RELN: variants seen among roughly 807,000 people sequenced by gnomAD.
The protein encoded by RELN is reelin.
Under a neutral mutation model 427.6 loss-of-function variants are expected in RELN, and 108 were observed. That is an observed-to-expected ratio of 0.25 (90% CI 0.22 to 0.30). The LOEUF (loss-of-function observed/expected upper bound fraction) is 0.30, where lower values mean the gene tolerates loss of function less well. Ranked by LOEUF, RELN falls within the 10% of genes least tolerant of loss-of-function variation. The pLI, the probability that RELN is intolerant of heterozygous loss-of-function variation, is 1.00. For synonymous variants in RELN, 1,524 were observed against 1,513.4 expected, an observed-to-expected ratio of 1.01 and a Z score of -0.16; for missense variants, 3,715 against 4,302.8, an observed-to-expected ratio of 0.86 and a Z score of 3.82.
chr7:103,697,952 G>C lies in RELN; in HGVS notation c.1044C>G (p.Ile348Met), dbSNP rs1191515704. 6.2e-7 allele frequency: 1 copy of C among 1,613,654 alleles called. No individual in the cohort carries two copies. The highest frequency in any genetic ancestry group is 8.5e-7 in the Non-Finnish European group (1 of 1,179,840). ...VYEACWALDN[I>M]LIINSAHRQV... ...GTCTGTGAGCTGAATTGATGATCAA[G>C]ATGTTATCTAAGGCCCAGCAGGCTT... The change falls in exon 10 of 65, where the codon ATC (isoleucine) becomes ATG (methionine). Residue 348 changes from isoleucine to methionine, a missense_variant. Ile to Met is a conservative substitution (Grantham distance 10). Coordinates refer to ENST00000428762, the MANE Select transcript of RELN (RefSeq NM_005045.4).
intron 49 of RELN, among the ~76,000 whole-genome samples, chr7:103,516,327 C>A (rs374062799): frequency 4.7e-5 from 7 of 150,376 alleles, no homozygotes; most frequent in African/African-American, 1.7e-4. Flanking sequence ...ACTCTGTTGC[C>A]CACGCTGGAG....
chr7:103,984,844 C>A (rs1342659671), intron 1 of RELN, among the ~76,000 whole-genome samples: 1 of 152,068 alleles, frequency 6.6e-6, no homozygotes, highest in Non-Finnish European at 1.5e-5. Flanking sequence ...TTAGTAATGG[C>A]AAATTACTTT....
intron 6 of RELN, among the ~76,000 whole-genome samples, chr7:103,733,656 T>C (rs562181593): frequency 0.016 from 2,113 of 135,114 alleles, 89 homozygotes; most frequent in African/African-American, 0.057. Context: ...TGGATGAAAT[T>C]TGAAATCATC....
intron 4 of RELN, among the ~76,000 whole-genome samples, chr7:103,755,015 A>C (rs901077268): frequency 4.4e-4 from 67 of 152,310 alleles, no homozygotes; most frequent in Non-Finnish European, 1.3e-4. Flanking sequence ...TCTATAGATG[A>C]ACTCAGGGAT....
intron 2 of RELN, among the ~76,000 whole-genome samples, chr7:103,847,149 G>A (rs777970059): frequency 3.9e-5 from 6 of 152,182 alleles, no homozygotes. Context: ...GTTCACAATA[G>A]CAAAGCCTCG....
At chr7:103,642,608 G>C (rs1832717108) in intron 16 of RELN, among the ~76,000 whole-genome samples, 1 of 152,040 alleles carries the variant, frequency 6.6e-6, no homozygotes, top group African/African-American at 2.4e-5. Flanking sequence ...GAACTCAGAG[G>C]ATGTGTAGTG....
intron 2 of RELN, among the ~76,000 whole-genome samples, chr7:103,912,608 A>C (rs903076333): frequency 2.0e-5 from 3 of 152,166 alleles, no homozygotes; most frequent in African/African-American, 7.2e-5. Context: ...CTGATGTATT[A>C]GCTGAGCAAG....
intron 9 of RELN, among the ~76,000 whole-genome samples, chr7:103,698,962 T>C (rs1834034974): frequency 6.6e-6 from 1 of 152,200 alleles, no homozygotes; most frequent in Admixed American, 6.5e-5. Context: ...AATGTGAGAT[T>C]TGCCATAATT....
At chr7:103,587,856 T>C (rs570961431) in intron 28 of RELN, among the ~76,000 whole-genome samples, 110 of 152,122 alleles carry the variant, frequency 7.2e-4, no homozygotes, top group Non-Finnish European at 1.3e-3. Flanking sequence ...ACAGTGGTTA[T>C]TATTCAAAAG....
chr7:103,741,858 G>C (rs1790669487), intron 6 of RELN, among the ~76,000 whole-genome samples: 1 of 152,190 alleles, frequency 6.6e-6, no homozygotes, highest in African/African-American at 2.4e-5. Flanking sequence ...ACAGCTCCCA[G>C]CGTGAGCGAC....
rs75036198 is a variant in RELN at position 103,887,563 on chromosome 7, T to C, written c.337+29512A>G. Reference sequence around the variant, plus strand: ...ATAAAAATTCAAAAGAAAAATGAGGTGGGGGTGTAACACGATCATGATTTA... The same window carrying C: ...ATAAAAATTCAAAAGAAAAATGAGGCGGGGGTGTAACACGATCATGATTTA... On this transcript the variant is annotated intron_variant, in intron 2 of 64. Coordinates refer to ENST00000428762, the MANE Select transcript of RELN (RefSeq NM_005045.4). Among the ~76,000 whole-genome samples the C allele has an allele frequency of 4.0e-3, 601 of 151,882 alleles. 23 individuals are homozygous for C. The East Asian group carries it at 0.072, about 18-fold the overall frequency.
chr7:103,901,230 T>C (rs1795078285), intron 2 of RELN, among the ~76,000 whole-genome samples: 2 of 151,992 alleles, frequency 1.3e-5, no homozygotes, highest in Non-Finnish European at 2.9e-5. Context: ...TGAAGTTGGC[T>C]ATAAATAAGT....
At chr7:103,897,524 G>A (rs28634441) in intron 2 of RELN, among the ~76,000 whole-genome samples, 48,821 of 151,884 alleles carry the variant, frequency 0.32, 8,530 homozygotes, top group East Asian at 0.73. Flanking sequence ...TTCATTAAAC[G>A]TTAGTTAAAC....
chr7:103,577,463 G>A (rs1562901693), intron 28 of RELN, among the ~76,000 whole-genome samples: 1 of 150,436 alleles, frequency 6.6e-6, no homozygotes, highest in Non-Finnish European at 1.5e-5. Context: ...ACATACAAAT[G>A]TATTTCCTTT....
In RELN at chr7:103,535,326, G is replaced by C. The variant is rs371476408; in HGVS notation, c.7339C>G (p.Pro2447Ala). 5.0e-6 allele frequency: 8 copies of C among 1,613,862 alleles called. No homozygotes were observed. In the African/African-American group the frequency reaches 1.1e-4, roughly 22 times the overall value. The change falls in exon 46 of 65, where the codon CCT (proline) becomes GCT (alanine). Residue 2447 changes from proline (P) to alanine (A), a missense_variant. Pro to Ala is a conservative substitution (Grantham distance 27). This residue lies in a region of RELN where 1,310 missense variants were observed against 1,643.0 expected (regional missense o/e 0.80). Transcript: ENST00000428762. ...KWTRITLPLP[P>A]YTRSQATRFR... ...TAGAAGCATTCTTACCTGGTATAAG[G>C]AGGGAGAGGCAGAGTGATTCTAGTC...
chr7:103,848,017 G>C (rs753976824), intron 2 of RELN, among the ~76,000 whole-genome samples: 1 of 152,186 alleles, frequency 6.6e-6, no homozygotes, highest in African/African-American at 2.4e-5. Context: ...TTTGTATATG[G>C]CAGCAGTCAC....
At chr7:103,725,576 A>C (rs145687530) in intron 7 of RELN, among the ~76,000 whole-genome samples, 1 of 152,322 alleles carries the variant, frequency 6.6e-6, no homozygotes, top group African/African-American at 2.4e-5. Context: ...TTAAAACATA[A>C]TAGTAATAAT....
At chr7:103,919,257 C>G (rs1412438216) in intron 1 of RELN, among the ~76,000 whole-genome samples, 1 of 149,664 alleles carries the variant, frequency 6.7e-6, no homozygotes, top group Non-Finnish European at 1.5e-5. Flanking sequence ...GGTCCAATCT[C>G]TGTGTGTAAA....
intron 2 of RELN, among the ~76,000 whole-genome samples, chr7:103,849,686 G>A (rs1793771409): frequency 6.6e-6 from 1 of 152,130 alleles, no homozygotes; most frequent in African/African-American, 2.4e-5. Flanking sequence ...TGGAGTCAGT[G>A]AACTATGGAC....
Sources: gnomAD v4.1 joint callset for allele counts (sites outside exome capture counted in the v4.1 genomes callset) on GRCh38, gnomAD v4.1.1 for gene constraint, gnomAD v4.1.1 regional missense constraint, MANE v1.5 for transcripts, NCBI Gene and HGNC (gene_info 2026-07-23, HGNC 2026-07-21) for gene names.